MTMR3: variants seen among roughly 807,000 people sequenced by gnomAD.
The protein encoded by MTMR3 is myotubularin related protein 3, also known as phosphatidylinositol-3,5-bisphosphate 3-phosphatase MTMR3.
MTMR3 carries 32 observed loss-of-function variants against 132.4 expected under a neutral mutation model. That is an observed-to-expected ratio of 0.24 (90% CI 0.18 to 0.32). The LOEUF (loss-of-function observed/expected upper bound fraction) is 0.32, where lower values mean the gene tolerates loss of function less well. MTMR3 is among the 10% of genes least tolerant of loss of function. The pLI, the probability that MTMR3 is intolerant of heterozygous loss-of-function variation, is 1.00. For missense variants in MTMR3, 1,216 were observed against 1,489.6 expected, an observed-to-expected ratio of 0.82 and a Z score of 3.02; for synonymous variants, 556 against 550.3, an observed-to-expected ratio of 1.01 and a Z score of -0.14.
chr22:29,898,357 G>A (rs1357795509), intron 1 of MTMR3, among the ~76,000 whole-genome samples: 3 of 152,020 alleles, frequency 2.0e-5, no homozygotes, highest in Non-Finnish European at 4.4e-5. Flanking sequence ...TGAGGTTTGG[G>A]GTACAATTGA....
intron 14 of MTMR3, chr22:30,015,563 C>T (rs1232291053): frequency 3.0e-5 from 4 of 131,368 alleles, no homozygotes; most frequent in South Asian, 2.5e-4. Flanking sequence ...GCTCTGCTTT[C>T]GCAATCTATC....
At chr22:30,022,265 T>C (rs2067780450) in intron 18 of MTMR3, 126 bp downstream of exon 18, 1 of 730,474 alleles carries the variant, frequency 1.4e-6, no homozygotes, top group Admixed American at 2.4e-5. Context: ...CCTGAGCCTC[T>C]GGCACCTTAG....
At chr22:29,998,941 C>A in intron 8 of MTMR3, 84 bp downstream of exon 8, 1 of 803,694 alleles carries the variant, frequency 1.2e-6, no homozygotes, top group Non-Finnish European at 1.9e-6. Flanking sequence ...AACATTTGAA[C>A]TTAGACTTTT....
intron 1 of MTMR3, among the ~76,000 whole-genome samples, chr22:29,907,784 GTA>G (rs1238471489): frequency 6.2e-4 from 95 of 152,234 alleles, no homozygotes; most frequent in African/African-American, 2.2e-3. Flanking sequence ...ATGTGTATCT[GTA>G]TCTTTTTTTT....
At chr22:29,960,699 C>T (rs1001354749) in intron 2 of MTMR3, among the ~76,000 whole-genome samples, 9 of 152,066 alleles carry the variant, frequency 5.9e-5, no homozygotes, top group South Asian at 2.1e-4. Flanking sequence ...CTTGTTTTCT[C>T]GATGAAGAAA....
chr22:29,901,658 CTT>C (rs1568996412), intron 1 of MTMR3, among the ~76,000 whole-genome samples: 1 of 152,028 alleles, frequency 6.6e-6, no homozygotes, highest in African/African-American at 2.4e-5. Flanking sequence ...GTTGTATTGT[CTT>C]TTTTTCAGAA....
chr22:30,002,785 C>CT (rs2067202464), intron 8 of MTMR3, 95 bp from the exon 9 acceptor site: 1 of 930,932 alleles, frequency 1.1e-6, no homozygotes, highest in Admixed American at 2.1e-5. Flanking sequence ...GATCATCATC[C>CT]TTATGCTGGC....
chr22:30,001,509 C>T (rs2067175010), intron 8 of MTMR3: 1 of 152,286 alleles, frequency 6.6e-6, no homozygotes, highest in Non-Finnish European at 1.5e-5. Context: ...GCCATGACCG[C>T]TCCACTGCTC....
intron 1 of MTMR3, among the ~76,000 whole-genome samples, chr22:29,949,176 A>C (rs1246252137): frequency 3.3e-5 from 4 of 119,910 alleles, no homozygotes; most frequent in Non-Finnish European, 5.0e-5. Context: ...CCTGTCTTAA[A>C]ACACACACAC....
intron 1 of MTMR3, among the ~76,000 whole-genome samples, chr22:29,903,514 G>A (rs780678698): frequency 2.0e-5 from 3 of 149,134 alleles, no homozygotes; most frequent in Non-Finnish European, 3.0e-5. Context: ...TTAGCCTCCC[G>A]GGTGCTGGGA....
At chr22:29,950,182 C>T (rs2066046852) in intron 1 of MTMR3, among the ~76,000 whole-genome samples, 1 of 152,042 alleles carries the variant, frequency 6.6e-6, no homozygotes, top group Non-Finnish European at 1.5e-5. Context: ...ATTGAAGTAC[C>T]TCTGGCACTT....
At chr22:29,986,213 G>A (rs1297840817) in intron 5 of MTMR3, 1 of 152,246 alleles carries the variant, frequency 6.6e-6, no homozygotes, top group Non-Finnish European at 1.5e-5. Flanking sequence ...CACATGGGAA[G>A]GCTGGAGGCT....
intron 1 of MTMR3, among the ~76,000 whole-genome samples, chr22:29,944,165 A>G (rs1325183803): frequency 1.3e-5 from 2 of 152,016 alleles, no homozygotes; most frequent in Admixed American, 6.5e-5. Flanking sequence ...CTTAAAGCCC[A>G]GAAGAGTGAG....
chr22:30,007,771 A>G, intron 10 of MTMR3, 130 bp from the exon 11 acceptor site: 1 of 1,077,126 alleles, frequency 9.3e-7, no homozygotes, highest in Non-Finnish European at 1.3e-6. Flanking sequence ...CTATGTATCA[A>G]GGGTTTTGGT....
chr22:29,897,852 C>T (rs981622254), intron 1 of MTMR3, among the ~76,000 whole-genome samples: 4 of 152,140 alleles, frequency 2.6e-5, no homozygotes, highest in Non-Finnish European at 5.9e-5. Flanking sequence ...CTTTTTAGCT[C>T]ATGCACTTAT....
intron 2 of MTMR3, among the ~76,000 whole-genome samples, chr22:29,963,590 G>A (rs1031150484): frequency 6.6e-6 from 1 of 151,650 alleles, no homozygotes; most frequent in Non-Finnish European, 1.5e-5. Flanking sequence ...GGGTTTCACC[G>A]TTGGCCGGGA....
At chr22:29,949,141 ACACCCCCCCCC>A (rs1371212852) in intron 1 of MTMR3, among the ~76,000 whole-genome samples, 195 of 17,406 alleles carry the variant, frequency 0.011, 3 homozygotes, top group African/African-American at 0.045. Flanking sequence ...ACACACACAC[ACACCCCCCCCC>A]CCCCCCCCGA....
At chr22:29,919,609 G>T (rs753337180) in intron 1 of MTMR3, among the ~76,000 whole-genome samples, 1 of 151,982 alleles carries the variant, frequency 6.6e-6, no homozygotes, top group Non-Finnish European at 1.5e-5. Context: ...TGCAGCCTCA[G>T]CCTCCTGGGC....
chr22:29,978,586 C>A, intron 4 of MTMR3, 55 bp downstream of exon 4: 1 of 1,357,518 alleles, frequency 7.4e-7, no homozygotes, highest in Non-Finnish European at 1.0e-6. Flanking sequence ...AACTGTATAG[C>A]AGAGTTAATG....
Sources: allele counts gnomAD v4.1 joint callset (sites outside exome capture counted in the v4.1 genomes callset), GRCh38; gene constraint gnomAD v4.1.1; transcripts MANE v1.5; gene names NCBI Gene and HGNC (gene_info 2026-07-23, HGNC 2026-07-21).